The following DBNL variants were observed in gnomAD, a reference collection of about 807,000 sequenced individuals.
DBNL encodes drebrin-like protein.
Under a neutral mutation model 62.2 loss-of-function variants are expected in DBNL, and 35 were observed. That is an observed-to-expected ratio of 0.56 (90% CI 0.43 to 0.75). The LOEUF is 0.75. Among genes scored for constraint, DBNL ranks in the 30% least tolerant of loss-of-function variants. The pLI is 0.00. For synonymous variants in DBNL, 197 were observed against 218.0 expected (o/e 0.90, Z 0.85); for missense variants, 495 against 578.4 (o/e 0.86, Z 1.48).
At position 44,062,704 on chromosome 7, in the gene DBNL, C is replaced by T; in HGVS notation, c.*1788C>T. ...CTGATGGCGGTGTGAGCCTGGCATG[C>T]ACGGCTGCGCTGGACTCCAGGCTGT... On this transcript the variant is annotated 3_prime_UTR_variant, in exon 13 of 13. Transcript: ENST00000448521. The T allele has an allele frequency of 1.3e-6, 2 of 1,574,520 alleles. No homozygotes were observed. The highest frequency in any genetic ancestry group is 1.7e-6 in the Non-Finnish European group (2 of 1,149,272).
Position 44,061,181 on chromosome 7 carries a change from T to C in DBNL, c.*265T>C. The C allele has an allele frequency of 2.1e-6, 1 of 473,258 alleles. No individual in the cohort carries two copies. The highest frequency in any genetic ancestry group is 3.8e-6 in the Non-Finnish European group (1 of 266,462). 29.3% of individuals were successfully genotyped at this position (473,258 alleles called of 1,614,324 possible). A position where few individuals can be genotyped will look rare whatever the true frequency, so the allele number is the denominator to read the frequency against. On this transcript the variant is annotated 3_prime_UTR_variant, in exon 13 of 13. Coordinates refer to ENST00000448521, the MANE Select transcript of DBNL (RefSeq NM_001014436.3). ...CCTGACAGGATACTGAGCCAAGCCC[T>C]GCCTGTGGCCAAGCCCTGAGTGGCC...
At chr7:44,057,751 C>G (rs777759713) in intron 5 of DBNL, 31 bp from the exon 6 acceptor site, 1 of 1,613,758 alleles carries the variant, frequency 6.2e-7, no homozygotes, top group South Asian at 1.1e-5. Flanking sequence ...CCACCTGGGT[C>G]CAGGTCTCTA....
intron 1 of DBNL, among the ~76,000 whole-genome samples, chr7:44,045,026 A>G (rs1185793749): frequency 6.6e-6 from 1 of 152,142 alleles, no homozygotes; most frequent in Non-Finnish European, 1.5e-5. Context: ...GATCGTGGAC[A>G]GGTTAAACCC....
rs150104524 is a variant in DBNL at position 44,069,066 on chromosome 7, G to C, written c.*8150G>C. Reference sequence around the variant, plus strand: ...AAATTTCTATTTTACTGGAATAAAAGAATGAAATAAAGACATTCTCAAATG... The same window carrying C: ...AAATTTCTATTTTACTGGAATAAAACAATGAAATAAAGACATTCTCAAATG... On this transcript the variant is annotated 3_prime_UTR_variant, in exon 13 of 13. Coordinates refer to ENST00000448521, the MANE Select transcript of DBNL (RefSeq NM_001014436.3). The C allele has an allele frequency of 5.1e-4, 2 of 3,920 alleles. No homozygotes were observed. Among genetic ancestry groups the C allele is most frequent in the East Asian group, 2.3e-3 (2 of 886 alleles). 0.2% of individuals were successfully genotyped at this position (3,920 alleles called of 1,614,324 possible).
chr7:44,047,672 C>T (rs7793194), intron 1 of DBNL, among the ~76,000 whole-genome samples: 44,801 of 152,052 alleles, frequency 0.29, 7,164 homozygotes, highest in African/African-American at 0.42. Context: ...TTCAAAGGCA[C>T]TATTGAATTA....
chr7:44,060,791 A>C lies in DBNL; in HGVS notation c.1168A>C (p.Ile390Leu), dbSNP rs750910300. ...YDYQAADDTE[I>L]SFDPENLITG... is the part of the protein sequence containing the mutation. The stretch of plus-strand genomic sequence containing the variant: ...CCTCTTTGCAGCCGACGACACAGAG[A>C]TCTCCTTTGACCCCGAGAACCTCAT... The change falls in exon 13 of 13, where the codon ATC becomes CTC. Residue 390 changes from isoleucine (I) to leucine (L), a missense_variant. Physicochemically the swap from Ile to Leu is conservative, Grantham distance 5 (BLOSUM62 2). Transcript: ENST00000448521. This position sits in a 1 kb window ranked among gnomAD's most constrained non-coding sequence, Gnocchi z 6.3. The C allele has an allele frequency of 1.9e-6, 3 of 1,613,862 alleles. No individual in the cohort carries two copies. The African/African-American group carries it at 4.0e-5, about 22-fold the overall frequency.
At position 44,066,668 on chromosome 7, in the gene DBNL, C is replaced by T. The variant is rs2096160671; in HGVS notation, c.*5752C>T. 1 of 152,516 alleles carries T rather than the reference C, an allele frequency of 6.6e-6. No individual in the cohort carries two copies. The highest frequency in any genetic ancestry group is 2.4e-5 in the African/African-American group (1 of 41,476). The allele number at this position is 152,516 out of a possible 1,614,324, so 9.4% of individuals were successfully genotyped here. On this transcript the variant is annotated 3_prime_UTR_variant, in exon 13 of 13. Transcript: ENST00000448521. ...TGTGCAAGAAACCCTCGACAGGCCT[C>T]CCTCCATCCCTGCTGGCCTACCTGG...
rs147126221 is a variant in DBNL, at chr7:44,065,415, T to G, written c.*4499T>G. On this transcript the variant is annotated 3_prime_UTR_variant, in exon 13 of 13. Transcript: ENST00000448521. ...TCCTTGATGGCCTTGGCTCCCCGCT[T>G]GGCCTCCTCGGTCCCCTTTTCACTC... 1.4e-4 allele frequency: 221 copies of G among 1,614,060 alleles called. No homozygotes were observed. The highest frequency in any genetic ancestry group is 1.8e-4 in the Non-Finnish European group (208 of 1,180,054).
In DBNL at chr7:44,067,119, CAT is replaced by C. The variant is rs1471538168; in HGVS notation, c.*6204_*6205del. ...GAGGCCGGGGACAGCCCTGAGGTGA[CAT>C]GTGAGTGGAAAGAGCGGAGTGCAAA... On this transcript the variant is annotated 3_prime_UTR_variant, in exon 13 of 13. Coordinates refer to ENST00000448521, the MANE Select transcript of DBNL (RefSeq NM_001014436.3). 2 of 152,502 alleles carry C rather than the reference CAT, an allele frequency of 1.3e-5. No individual in the cohort carries two copies. Among genetic ancestry groups the C allele is most frequent in the African/African-American group, 2.4e-5 (1 of 41,436 alleles). 9.4% of individuals were successfully genotyped at this position (152,502 alleles called of 1,614,324 possible).
At chr7:44,044,972 C>G in intron 1 of DBNL, 152 bp downstream of exon 1, 1 of 666,662 alleles carries the variant, frequency 1.5e-6, no homozygotes, top group Non-Finnish European at 2.3e-6. Context: ...CCCTCCACAC[C>G]GCAGCAGGAG....
chr7:44,052,646 C>T (rs761879623), intron 3 of DBNL, among the ~76,000 whole-genome samples: 2 of 152,112 alleles, frequency 1.3e-5, no homozygotes, highest in Non-Finnish European at 2.9e-5. Context: ...ATGAAATGCC[C>T]CCACAGCGAA....
At position 44,059,648 on chromosome 7, in the gene DBNL, A is replaced by T; in HGVS notation, c.1037A>T (p.Gln346Leu). The T allele has an allele frequency of 6.2e-7, 1 of 1,603,840 alleles. No homozygotes were observed. The highest frequency in any genetic ancestry group is 8.5e-7 in the Non-Finnish European group (1 of 1,179,088). Residue 346 changes from glutamine (Q) to leucine (L), a missense_variant, in exon 11 of 13, where the codon CAG becomes CTG. Transcript: ENST00000448521. The surrounding 1 kb of genome is among the most constrained non-coding windows in gnomAD (Gnocchi z 4.1). ...EPPEQETFYE[Q>L]PPLVQQQGAG... ...CCAGAGCAGGAGACCTTCTACGAGC[A>T]GCCCCCACTGGTGGGTTCCTACACT... is the stretch of plus-strand genomic sequence containing the variant.
rs1172371785 is a variant in DBNL, at chr7:44,066,884, C to T, written c.*5968C>T. ...GATCCTGATTGAAGCCACATCTCCTCATCTGCTTTTGTCCCTTTGACCAAG... is the reference window on the plus strand; with the variant it reads ...GATCCTGATTGAAGCCACATCTCCTTATCTGCTTTTGTCCCTTTGACCAAG... On this transcript the variant is annotated 3_prime_UTR_variant, in exon 13 of 13. Coordinates refer to ENST00000448521, the MANE Select transcript of DBNL (RefSeq NM_001014436.3). 6.6e-6 allele frequency: 1 copy of T among 152,380 alleles called. No homozygotes were observed. 9.4% of individuals were successfully genotyped at this position (152,380 alleles called of 1,614,324 possible). A position where few individuals can be genotyped will look rare whatever the true frequency, so the allele number is the denominator to read the frequency against.
intron 1 of DBNL, among the ~76,000 whole-genome samples, chr7:44,045,395 A>G (rs1355610386): frequency 6.6e-6 from 1 of 152,220 alleles, no homozygotes; most frequent in Non-Finnish European, 1.5e-5. Context: ...TTCTCCAAAA[A>G]GTGTACTCTT....
chr7:44,058,389 G>A (rs904771980), intron 7 of DBNL, 43 bp from the exon 8 acceptor site: 1 of 1,614,038 alleles, frequency 6.2e-7, no homozygotes, highest in Non-Finnish European at 8.5e-7. Context: ...ATGAGAAGCT[G>A]TGACTGTGCC....
At position 44,057,857 on chromosome 7, in the gene DBNL, G is replaced by C; in HGVS notation, c.550G>C (p.Glu184Gln). 1.2e-6 allele frequency: 2 copies of C among 1,614,216 alleles called. No homozygotes were observed. The highest frequency in any genetic ancestry group is 1.7e-6 in the Non-Finnish European group (2 of 1,180,038). ...TAAAGACAGCTTCTGGGCCAAAGCAGAGGTGAGTGCTGCCCCGGGGCATGC... is the reference window on the plus strand; with the variant it reads ...TAAAGACAGCTTCTGGGCCAAAGCACAGGTGAGTGCTGCCCCGGGGCATGC... ...VGKDSFWAKA[E>Q]KEEENRRLEE... The change falls in exon 6 of 13, where the codon GAG becomes CAG. Residue 184 changes from glutamate to glutamine, a missense_variant and splice_region_variant. Transcript: ENST00000448521.
chr7:44,046,464 C>G (rs142287212), intron 1 of DBNL, among the ~76,000 whole-genome samples: 8 of 152,182 alleles, frequency 5.3e-5, no homozygotes, highest in Non-Finnish European at 1.2e-4. Flanking sequence ...GGGCTGCTTA[C>G]GAGAGCTGTC....
chr7:44,054,577 G>A (rs1045648855), intron 4 of DBNL, among the ~76,000 whole-genome samples: 12 of 152,110 alleles, frequency 7.9e-5, no homozygotes, highest in African/African-American at 2.4e-4. Flanking sequence ...CAATGTATAC[G>A]ATGAATCAGG....
chr7:44,058,546 A>G (rs1270912167), intron 8 of DBNL, 66 bp downstream of exon 8: 1 of 1,586,604 alleles, frequency 6.3e-7, no homozygotes, highest in Admixed American at 1.8e-5. Context: ...CTGATCTCGG[A>G]TTGAGGGCCC....
Sources: allele counts gnomAD v4.1 joint callset (sites outside exome capture counted in the v4.1 genomes callset), GRCh38; gene constraint gnomAD v4.1.1; non-coding constraint Gnocchi (gnomAD v3.1); transcripts MANE v1.5; gene names NCBI Gene and HGNC (gene_info 2026-07-23, HGNC 2026-07-21).